The following PITPNM2 variants were observed in gnomAD, a reference collection of about 807,000 sequenced individuals.
The protein encoded by PITPNM2 is membrane-associated phosphatidylinositol transfer protein 2.
A neutral mutation model predicts 132.2 loss-of-function variants in PITPNM2; 35 were observed. That is an observed-to-expected ratio of 0.26 (90% CI 0.20 to 0.35). The LOEUF (loss-of-function observed/expected upper bound fraction) is 0.35. Among genes scored for constraint, PITPNM2 ranks in the 10% least tolerant of loss-of-function variants. The pLI is 1.00. For synonymous variants in PITPNM2, 738 were observed against 799.2 expected, an observed-to-expected ratio of 0.92 and a Z score of 1.29; for missense variants, 1,332 against 1,912.0, an observed-to-expected ratio of 0.70 and a Z score of 5.66.
At position 123,055,987 on chromosome 12, in the gene PITPNM2, C is replaced by T. The variant is rs995442898; in HGVS notation, c.-95-21302G>A. ...CTTTTTATGATGTGTTCATACTCCA[C>T]CAGCCAATGTCCTGCCTCTGCCTCT... On this transcript the variant is annotated intron_variant, in intron 2 of 25. Transcript: ENST00000320201. Among the ~76,000 whole-genome samples, 44 of 152,194 alleles carry T rather than the reference C, an allele frequency of 2.9e-4. 1 individual carries two copies. Among genetic ancestry groups the T allele is most frequent in the Admixed American group, 2.3e-3 (35 of 15,282 alleles).
At chr12:123,093,461 TACACACACGC>T (rs1262014256) in intron 2 of PITPNM2, among the ~76,000 whole-genome samples, 2 of 146,852 alleles carry the variant, frequency 1.4e-5, no homozygotes, top group Non-Finnish European at 2.9e-5. Flanking sequence ...TATTTAAAAA[TACACACACGC>T]ACACACACAC....
At chr12:123,134,036 A>G (rs2043323495) in intron 1 of PITPNM2, among the ~76,000 whole-genome samples, 1 of 152,100 alleles carries the variant, frequency 6.6e-6, no homozygotes, top group Non-Finnish European at 1.5e-5. Context: ...AGATTTCAAC[A>G]ATATAAGGAA....
chr12:123,109,420 C>T (rs1359118974), intron 2 of PITPNM2, among the ~76,000 whole-genome samples: 1 of 152,160 alleles, frequency 6.6e-6, no homozygotes, highest in Non-Finnish European at 1.5e-5. Context: ...GGAGAGACTG[C>T]TACTCCCTGG....
At chr12:123,012,870 T>C in intron 4 of PITPNM2, 136 bp from the exon 5 acceptor site, 1 of 1,168,514 alleles carries the variant, frequency 8.6e-7, no homozygotes, top group Non-Finnish European at 1.2e-6. Context: ...AGCCGAGACT[T>C]GCCTGCCCTG....
intron 2 of PITPNM2, among the ~76,000 whole-genome samples, chr12:123,056,062 T>A (rs985342195): frequency 2.0e-5 from 3 of 152,180 alleles, no homozygotes; most frequent in Non-Finnish European, 4.4e-5. Flanking sequence ...TCCACCTGGA[T>A]CCTAGAACAC....
In PITPNM2 at chr12:122,987,612, G is replaced by A; in HGVS notation, c.3162C>T (p.Tyr1054=). Residue 1054 remains tyrosine (Y), a synonymous_variant, in exon 22 of 26, where the codon TAC becomes TAT. Transcript: ENST00000320201. ...TGTTGTTGGTCACCAGCGTATCCAG[G>A]TAGAGCCACTCGCCTGAGGGCGGCT... ...MTQPPSGEWL[Y]LDTLVTNNSG... The A allele has an allele frequency of 1.2e-6, 2 of 1,613,926 alleles. No homozygotes were observed. Among genetic ancestry groups the A allele is most frequent in the Non-Finnish European group, 1.7e-6 (2 of 1,180,000 alleles).
At chr12:123,127,819 C>T (rs923096979) in intron 1 of PITPNM2, among the ~76,000 whole-genome samples, 5 of 152,086 alleles carry the variant, frequency 3.3e-5, no homozygotes, top group Non-Finnish European at 2.9e-5. Context: ...CCGCGTTAGC[C>T]AGGATGGTAT....
Position 122,996,470 on chromosome 12 carries a change from C to G in PITPNM2, c.1770G>C (p.Val590=), listed in dbSNP as rs1373243722. The G allele has an allele frequency of 1.2e-6, 2 of 1,613,108 alleles. 1 individual carries two copies. The highest frequency in any genetic ancestry group is 2.2e-5 in the South Asian group (2 of 91,080). The part of the protein sequence containing the change: ...ESQSSSRRGS[V]VSMQDNDLLS... Reference sequence around the variant, plus strand: ...CCCACTTGGGTACCTGCATGCTGACCACGCTGCCCCGGCGGCTGCTGCTCT... The same window carrying G: ...CCCACTTGGGTACCTGCATGCTGACGACGCTGCCCCGGCGGCTGCTGCTCT... The change falls in exon 13 of 26, where the codon GTG becomes GTC. Residue 590 remains valine (V), a synonymous_variant. Transcript: ENST00000320201.
At chr12:123,041,633 G>C (rs940482331) in intron 2 of PITPNM2, among the ~76,000 whole-genome samples, 5 of 152,188 alleles carry the variant, frequency 3.3e-5, no homozygotes, top group African/African-American at 1.2e-4. Context: ...TAGCGAGACA[G>C]ACACACATTT....
intron 2 of PITPNM2, among the ~76,000 whole-genome samples, chr12:123,049,886 G>A (rs2040801400): frequency 6.6e-6 from 1 of 152,240 alleles, no homozygotes; most frequent in Non-Finnish European, 1.5e-5. Flanking sequence ...TACTCAAGAA[G>A]GGTAATTGGC....
At chr12:123,142,877 C>G (rs898955165) in intron 1 of PITPNM2, among the ~76,000 whole-genome samples, 3 of 87,468 alleles carry the variant, frequency 3.4e-5, no homozygotes, top group African/African-American at 5.8e-5. Context: ...TTTTCTCCCT[C>G]TTATGAAAAA....
Position 122,986,721 on chromosome 12 carries a change from C to A in PITPNM2, c.3522G>T (p.Val1174=). The stretch of plus-strand genomic sequence containing the variant: ...GCACCAGGCCGTCACAGAAGGACAC[C>A]ACGCCATGGGGGAAGTTGTGCTGGG... ...WLAQHNFPHG[V]VSFCDGLVHD... The change falls in exon 24 of 26, where the codon GTG becomes GTT. Residue 1174 remains valine (V), a synonymous_variant. Coordinates refer to ENST00000320201, the MANE Select transcript of PITPNM2 (RefSeq NM_020845.3). The A allele has an allele frequency of 2.5e-6, 4 of 1,613,572 alleles. No individual in the cohort carries two copies. Among genetic ancestry groups the A allele is most frequent in the Non-Finnish European group, 3.4e-6 (4 of 1,180,004 alleles).
Position 123,005,878 on chromosome 12 carries a change from G to T in PITPNM2, c.644-330C>A. 3.4e-6 allele frequency: 1 copy of T among 293,152 alleles called. No homozygotes were observed. The highest frequency in any genetic ancestry group is 6.3e-6 in the Non-Finnish European group (1 of 157,960). The allele number at this position is 293,152 out of a possible 1,614,324, so 18.2% of individuals were successfully genotyped here. A position where few individuals can be genotyped will look rare whatever the true frequency, so the allele number is the denominator to read the frequency against. ...TTTGGGAGGATTAGGTGGGAGGACA[G>T]CTTGAGTCCAAGGGTTTGAGATCAG... On this transcript the variant is annotated intron_variant, in intron 6 of 25. Transcript: ENST00000320201. This position sits in a 1 kb window ranked among gnomAD's most constrained non-coding sequence, Gnocchi z 6.2.
At chr12:123,118,419 A>G (rs2042970187) in intron 1 of PITPNM2, among the ~76,000 whole-genome samples, 1 of 152,242 alleles carries the variant, frequency 6.6e-6, no homozygotes, top group Admixed American at 6.5e-5. Flanking sequence ...GCAACCAAAC[A>G]GGAGGGAGAA....
At chr12:123,132,487 T>G (rs944676841) in intron 1 of PITPNM2, among the ~76,000 whole-genome samples, 4 of 152,038 alleles carry the variant, frequency 2.6e-5, no homozygotes, top group African/African-American at 7.3e-5. Flanking sequence ...CCTGAAATTT[T>G]TGTTTGTTGT....
At position 123,000,905 on chromosome 12, in the gene PITPNM2, G is replaced by A. The variant is rs1000354770; in HGVS notation, c.1154-57C>T. 19 of 1,597,900 alleles carry A rather than the reference G, an allele frequency of 1.2e-5. No individual in the cohort carries two copies. Among genetic ancestry groups the A allele is most frequent in the East Asian group, 6.7e-5 (3 of 44,786 alleles). ...GAGGGGCAGCCCAACCTGGCCGACC[G>A]GACAGAGGCTGCAACTGTGACGAGG... On this transcript the variant is annotated intron_variant, in intron 9 of 25. Transcript: ENST00000320201. This position sits in a 1 kb window ranked among gnomAD's most constrained non-coding sequence, Gnocchi z 5.4.
intron 1 of PITPNM2, among the ~76,000 whole-genome samples, chr12:123,131,725 C>G (rs2043266543): frequency 6.6e-6 from 1 of 152,196 alleles, no homozygotes; most frequent in Non-Finnish European, 1.5e-5. Context: ...CAGCTCCTAG[C>G]CTGTGTCTGT....
At chr12:123,057,541 C>A (rs1266626682) in intron 2 of PITPNM2, among the ~76,000 whole-genome samples, 2 of 152,130 alleles carry the variant, frequency 1.3e-5, no homozygotes, top group Non-Finnish European at 2.9e-5. Flanking sequence ...TAGACAAGAC[C>A]GCATCTGAAA....
At chr12:123,019,609 C>T (rs1327008649) in intron 3 of PITPNM2, among the ~76,000 whole-genome samples, 1 of 152,180 alleles carries the variant, frequency 6.6e-6, no homozygotes, top group East Asian at 1.9e-4. Flanking sequence ...CCAGGAAAGC[C>T]GCAAGCCCCA....
Sources: allele counts gnomAD v4.1 joint callset (sites outside exome capture counted in the v4.1 genomes callset), GRCh38; gene constraint gnomAD v4.1.1; non-coding constraint Gnocchi (gnomAD v3.1); transcripts MANE v1.5; gene names NCBI Gene and HGNC (gene_info 2026-07-23, HGNC 2026-07-21).